Variants in SIDT1 observed in about 807,000 individuals in gnomAD.
SIDT1 encodes SID1 transmembrane family member 1.
In SIDT1, 101 loss-of-function variants were observed where a neutral mutation model predicts 107.5. The observed-to-expected ratio is 0.94, with a 90% confidence interval of 0.80 to 1.11. The LOEUF (loss-of-function observed/expected upper bound fraction) is 1.11, where lower values mean the gene tolerates loss of function less well. SIDT1 is among the 50% of genes least tolerant of loss of function. SIDT1 has a pLI of 0.00. For missense variants in SIDT1, 1,076 were observed against 1,058.2 expected (o/e 1.02, Z -0.23); for synonymous variants, 395 against 398.2 (o/e 0.99, Z 0.10).
chr3:113,570,574 G>A (rs1012775993), intron 3 of SIDT1, among the ~76,000 whole-genome samples: 14 of 152,304 alleles, frequency 9.2e-5, no homozygotes, highest in African/African-American at 3.1e-4. Context: ...CCCTCATGTT[G>A]CTTTCTGTTT....
intron 3 of SIDT1, among the ~76,000 whole-genome samples, chr3:113,569,570 G>A (rs550359003): frequency 2.6e-5 from 4 of 152,248 alleles, no homozygotes; most frequent in African/African-American, 9.6e-5. Flanking sequence ...TTGACATAGT[G>A]TTATACCCAT....
chr3:113,595,423 AAAC>A (rs1944472548), intron 10 of SIDT1, among the ~76,000 whole-genome samples: 1 of 152,076 alleles, frequency 6.6e-6, no homozygotes, highest in South Asian at 2.1e-4. Context: ...AACAAAAAAT[AAAC>A]AAAATTAGGT....
At chr3:113,581,721 A>C in intron 6 of SIDT1, 1 of 349,418 alleles carries the variant, frequency 2.9e-6, no homozygotes, top group South Asian at 3.1e-5. Context: ...AAAAATACAA[A>C]AATTAGCTGG....
intron 14 of SIDT1, among the ~76,000 whole-genome samples, chr3:113,606,200 C>T (rs937327896): frequency 2.6e-5 from 4 of 152,104 alleles, no homozygotes; most frequent in East Asian, 1.9e-4. Flanking sequence ...ATTTATTACA[C>T]AGTAGAAAGC....
chr3:113,607,756 C>T (rs1378259424), intron 15 of SIDT1, among the ~76,000 whole-genome samples: 2 of 152,182 alleles, frequency 1.3e-5, no homozygotes, highest in African/African-American at 4.8e-5. Context: ...CTCACTCTCA[C>T]GGTGTAGCTG....
chr3:113,606,060 T>C (rs1227691275), intron 14 of SIDT1, among the ~76,000 whole-genome samples: 1 of 147,204 alleles, frequency 6.8e-6, no homozygotes, highest in African/African-American at 2.5e-5. Context: ...ACTAACAAAA[T>C]ATTACAGTAA....
chr3:113,551,458 G>C (rs1227996335), intron 1 of SIDT1, among the ~76,000 whole-genome samples: 1 of 152,096 alleles, frequency 6.6e-6, no homozygotes, highest in Non-Finnish European at 1.5e-5. Context: ...AGTTCCCAAG[G>C]GTATTTCCTC....
At chr3:113,552,908 G>C (rs923495810) in intron 1 of SIDT1, among the ~76,000 whole-genome samples, 1 of 152,078 alleles carries the variant, frequency 6.6e-6, no homozygotes, top group African/African-American at 2.4e-5. Flanking sequence ...AACATGCAAG[G>C]GTTTTGGATG....
chr3:113,575,111 T>C (rs542246815), intron 3 of SIDT1, among the ~76,000 whole-genome samples: 1 of 152,114 alleles, frequency 6.6e-6, no homozygotes, highest in African/African-American at 2.4e-5. Flanking sequence ...AAATAAAACA[T>C]AAAGAACAAG....
chr3:113,559,937 T>A (rs180714176), intron 1 of SIDT1, among the ~76,000 whole-genome samples: 45 of 152,302 alleles, frequency 3.0e-4, no homozygotes, highest in African/African-American at 1.1e-3. Context: ...CATAGTAGAA[T>A]AATAGATGAT....
In SIDT1 at chr3:113,601,555, A is replaced by G. The variant is rs772969955; in HGVS notation, c.1046-33A>G. The G allele has an allele frequency of 5.4e-6, 8 of 1,495,248 alleles. No individual in the cohort carries two copies. In the East Asian group the frequency reaches 1.4e-4, roughly 25 times the overall value. The allele number at this position is 1,495,248 out of a possible 1,614,324, so 92.6% of individuals were successfully genotyped here. On this transcript the variant is annotated intron_variant, in intron 10 of 24. Coordinates refer to ENST00000264852, the MANE Select transcript of SIDT1 (RefSeq NM_017699.3). ...TGTTGTTTTGTTTTAGCAACTGGAC[A>G]TAAAGTGTTTGCCTCTTCACTTTTT...
intron 6 of SIDT1, among the ~76,000 whole-genome samples, chr3:113,582,301 T>G (rs1224929883): frequency 6.6e-6 from 1 of 152,212 alleles, no homozygotes; most frequent in Non-Finnish European, 1.5e-5. Flanking sequence ...TTAAAGTACC[T>G]GCAGCGTGAT....
intron 10 of SIDT1, among the ~76,000 whole-genome samples, chr3:113,596,671 C>T (rs1045725345): frequency 2.0e-5 from 3 of 152,200 alleles, no homozygotes; most frequent in African/African-American, 4.8e-5. Flanking sequence ...ATTTCCTCCA[C>T]TGGCTTTATC....
At chr3:113,620,055 A>AATAG (rs746867291) in intron 21 of SIDT1, 6,087 of 191,176 alleles carry the variant, frequency 0.032, 144 homozygotes, top group Non-Finnish European at 0.041. Flanking sequence ...ATGATAGATA[A>AATAG]ATAGATAGAT....
At chr3:113,602,079 A>T (rs77109295) in intron 11 of SIDT1, 9,524 of 156,208 alleles carry the variant, frequency 0.061, 407 homozygotes, top group Non-Finnish European at 0.09. Context: ...ACATGGCTGT[A>T]GCCTACCAAT....
intron 4 of SIDT1, among the ~76,000 whole-genome samples, chr3:113,578,004 T>G (rs1219499493): frequency 1.3e-5 from 2 of 152,310 alleles, no homozygotes; most frequent in African/African-American, 4.8e-5. Flanking sequence ...CAATCCACTT[T>G]TAAACTTCCT....
In SIDT1 at chr3:113,550,161, T is replaced by C. The variant is rs530733761; in HGVS notation, c.223-16259T>C. Among the ~76,000 whole-genome samples, 3 of 152,290 alleles carry C rather than the reference T, an allele frequency of 2.0e-5. 1 individual carries two copies. In the South Asian group the frequency reaches 6.2e-4, roughly 32 times the overall value. ...GCATTGCTAAACTCTACCATTCTCT[T>C]ACCACTCCCTTTCCCTATGTATCTG... is the stretch of plus-strand genomic sequence containing the variant. On this transcript the variant is annotated intron_variant, in intron 1 of 24. Transcript: ENST00000264852.
chr3:113,599,050 A>G (rs1225894997), intron 10 of SIDT1, among the ~76,000 whole-genome samples: 1 of 152,256 alleles, frequency 6.6e-6, no homozygotes, highest in Non-Finnish European at 1.5e-5. Context: ...GGATCGCCTG[A>G]ACCCGGTGGT....
chr3:113,604,971 C>A lies in SIDT1; in HGVS notation c.1399C>A (p.Gln467Lys), dbSNP rs759062634. 1 of 1,613,980 alleles carries A rather than the reference C, an allele frequency of 6.2e-7. No homozygotes were observed. The highest frequency in any genetic ancestry group is 8.5e-7 in the Non-Finnish European group (1 of 1,180,016). The part of the protein sequence containing the change: ...LPVIQLVITY[Q>K]TVVNVTGNQD... ...CGTGATCCAGCTGGTCATTACCTATCAGACAGTAAGTGCTGCCCCAGCCCC... is the reference window on the plus strand; with the variant it reads ...CGTGATCCAGCTGGTCATTACCTATAAGACAGTAAGTGCTGCCCCAGCCCC... Residue 467 changes from glutamine to lysine, a missense_variant, in exon 14 of 25, where the codon CAG becomes AAG. Physicochemically the swap from Gln to Lys is moderately conservative, Grantham distance 53. Coordinates refer to ENST00000264852, the MANE Select transcript of SIDT1 (RefSeq NM_017699.3).
Sources: allele counts gnomAD v4.1 joint callset (sites outside exome capture counted in the v4.1 genomes callset), GRCh38; gene constraint gnomAD v4.1.1; transcripts MANE v1.5; gene names NCBI Gene and HGNC (gene_info 2026-07-23, HGNC 2026-07-21).